The following KCNAB2 variants were observed in gnomAD, a reference collection of about 807,000 sequenced individuals.
KCNAB2 encodes the protein potassium voltage-gated channel subfamily A regulatory beta subunit 2.
In KCNAB2, 29 loss-of-function variants were observed where a neutral mutation model predicts 63.6. The observed-to-expected ratio is 0.46, with a 90% CI of 0.34 to 0.62. KCNAB2 has a LOEUF of 0.62. Among genes scored for constraint, KCNAB2 ranks in the 20% least tolerant of loss-of-function variants. The probability of loss-of-function intolerance (pLI) is 0.01; values close to 1 mark genes in which losing one functional copy is unlikely to be tolerated. For missense variants in KCNAB2, 359 were observed against 563.9 expected (o/e 0.64, Z 3.68); for synonymous variants, 222 against 224.2 (o/e 0.99, Z 0.09).
intron 1 of KCNAB2, among the ~76,000 whole-genome samples, chr1:6,022,983 A>G (rs1422436681): frequency 6.7e-6 from 1 of 150,240 alleles, no homozygotes; most frequent in East Asian, 2.0e-4. Flanking sequence ...CCTGGGTTCA[A>G]GTGATTCTCA....
At chr1:6,072,529 G>C (rs1392950451) in intron 2 of KCNAB2, among the ~76,000 whole-genome samples, 1 of 152,196 alleles carries the variant, frequency 6.6e-6, no homozygotes, top group Non-Finnish European at 1.5e-5. Flanking sequence ...CTGGGCACCA[G>C]CAGGGCCCGT....
chr1:6,079,081 G>C (rs530359820), intron 4 of KCNAB2, among the ~76,000 whole-genome samples: 10 of 152,294 alleles, frequency 6.6e-5, no homozygotes, highest in Non-Finnish European at 1.3e-4. Flanking sequence ...GGGAGGATTA[G>C]TCAAGGAGGG....
chr1:6,042,849 C>G (rs866030641), upstream of KCNAB2, among the ~76,000 whole-genome samples: 5 of 110,138 alleles, frequency 4.5e-5, no homozygotes, highest in Non-Finnish European at 7.4e-5. Flanking sequence ...CCCCACCCCC[C>G]CCCCCGTTTG....
At chr1:6,008,859 A>G (rs147008517) in intron 1 of KCNAB2, among the ~76,000 whole-genome samples, 1,750 of 152,282 alleles carry the variant, frequency 0.011, 31 homozygotes, top group African/African-American at 0.039. Flanking sequence ...TGGGAACCTC[A>G]GGCCTTGGGC....
At chr1:6,045,760 T>C (rs1660864828), upstream of KCNAB2, among the ~76,000 whole-genome samples, 1 of 152,128 alleles carries the variant, frequency 6.6e-6, no homozygotes, top group Admixed American at 6.6e-5. This position sits in a 1 kb window ranked among gnomAD's most constrained non-coding sequence, Gnocchi z 4.8. Context: ...GGCCTGCCCC[T>C]TTCGACCTGT....
intron 4 of KCNAB2, among the ~76,000 whole-genome samples, chr1:6,076,673 G>A (rs566309744): frequency 1.3e-5 from 2 of 152,286 alleles, no homozygotes; most frequent in East Asian, 1.9e-4. Context: ...TTGCCTCAAC[G>A]CTTGCGGCCA....
In KCNAB2 at chr1:6,096,164, C is replaced by A. The variant is rs1388719960; in HGVS notation, c.949-472C>A. On this transcript the variant is annotated intron_variant, in intron 13 of 15. Transcript: ENST00000378083. This position sits in a 1 kb window ranked among gnomAD's most constrained non-coding sequence, Gnocchi z 5.9. The stretch of plus-strand genomic sequence containing the variant: ...GGGCCCACAGCCCTGGGTTCCAGGG[C>A]AACGTGGCCTGGCCCCCGACTCCTC... 4.4e-6 allele frequency: 2 copies of A among 457,680 alleles called. No individual in the cohort carries two copies. Among genetic ancestry groups the A allele is most frequent in the Non-Finnish European group, 8.8e-6 (2 of 228,086 alleles). 28.4% of individuals were successfully genotyped at this position (457,680 alleles called of 1,614,324 possible).
intron 1 of KCNAB2, among the ~76,000 whole-genome samples, chr1:6,007,817 C>A (rs1211366147): frequency 6.6e-6 from 1 of 152,232 alleles, no homozygotes; most frequent in Admixed American, 6.5e-5. Context: ...CGTCCCTGTG[C>A]CCGCCGCTTC....
rs560846181 is a variant in KCNAB2 at position 5,994,832 on chromosome 1, A to G, written c.-53+2044A>G. ...CGCTTTCATTTTTCAGTCATCTTCT[A>G]AGACCCAAATGGTTCAGGAGGAAGC... On this transcript the variant is annotated intron_variant, in intron 1 of 16. Transcript: ENST00000341524. This position sits in a 1 kb window ranked among gnomAD's most constrained non-coding sequence, Gnocchi z 5.4. 3.9e-5 allele frequency among the ~76,000 whole-genome samples: 6 copies of G among 152,262 alleles called. No individual in the cohort carries two copies. Among genetic ancestry groups the G allele is most frequent in the Non-Finnish European group, 7.4e-5 (5 of 68,024 alleles).
chr1:6,072,779 G>C lies in KCNAB2; in HGVS notation c.243G>C (p.Arg81=), dbSNP rs148301257. Residue 81 remains arginine, a synonymous_variant, in exon 3 of 16, where the codon CGG becomes CGC. Transcript: ENST00000378083. ...GGAACCTGGGCAAGTCTGGCCTGCGGGTCTCCTGCCTGGGACTTGGTGAGT... is the reference window on the plus strand; with the variant it reads ...GGAACCTGGGCAAGTCTGGCCTGCGCGTCTCCTGCCTGGGACTTGGTGAGT... ...KYRNLGKSGL[R]VSCLGLGTWV... The C allele has an allele frequency of 3.7e-6, 6 of 1,613,816 alleles. No homozygotes were observed. In the African/African-American group the frequency reaches 8.0e-5, roughly 22 times the overall value.
intron 1 of KCNAB2, among the ~76,000 whole-genome samples, chr1:6,048,907 G>T (rs983020194): frequency 1.3e-5 from 2 of 152,338 alleles, no homozygotes; most frequent in Admixed American, 1.3e-4. Context: ...GGGTGCCAAG[G>T]GCCTCATTTC....
intron 1 of KCNAB2, among the ~76,000 whole-genome samples, chr1:6,014,917 G>A (rs547726117): frequency 1.3e-5 from 2 of 152,134 alleles, no homozygotes; most frequent in African/African-American, 4.8e-5. Context: ...TTGGACCCAT[G>A]TGGGGCTCCA....
At chr1:6,072,343 G>A (rs1052544843) in intron 2 of KCNAB2, among the ~76,000 whole-genome samples, 8 of 152,358 alleles carry the variant, frequency 5.3e-5, no homozygotes, top group Admixed American at 5.2e-4. Flanking sequence ...CTGGAGACAG[G>A]AAGAAGAGAC....
chr1:6,042,427 G>A (rs1030714772), upstream of KCNAB2, among the ~76,000 whole-genome samples: 10 of 152,160 alleles, frequency 6.6e-5, no homozygotes, highest in Admixed American at 2.6e-4. Context: ...GGCACCTGGC[G>A]AGAGACTGTG....
At chr1:6,076,012 C>T (rs1270217248) in intron 4 of KCNAB2, among the ~76,000 whole-genome samples, 1 of 152,240 alleles carries the variant, frequency 6.6e-6, no homozygotes, top group East Asian at 1.9e-4. Flanking sequence ...TTTCACTCCA[C>T]AAGGGCAGAG....
At chr1:6,093,185 G>A (rs1215901673) in intron 10 of KCNAB2, among the ~76,000 whole-genome samples, 1 of 152,190 alleles carries the variant, frequency 6.6e-6, no homozygotes, top group Admixed American at 6.5e-5. Context: ...ATGGGCAAAG[G>A]ACAAGCAGGC....
chr1:6,054,056 AAAGAAG>A (rs778542488), intron 2 of KCNAB2, among the ~76,000 whole-genome samples: 5 of 151,402 alleles, frequency 3.3e-5, no homozygotes, highest in African/African-American at 1.2e-4. Context: ...AAAAAAAAAA[AAAGAAG>A]AAGAAGAAGA....
intron 1 of KCNAB2, among the ~76,000 whole-genome samples, chr1:6,004,679 A>G (rs577334220): frequency 1.2e-4 from 18 of 151,692 alleles, no homozygotes; most frequent in African/African-American, 4.4e-4. Context: ...ATCCTAATCC[A>G]GGATGGCCTC....
At chr1:5,999,867 G>A (rs566252294) in intron 1 of KCNAB2, among the ~76,000 whole-genome samples, 4 of 150,186 alleles carry the variant, frequency 2.7e-5, no homozygotes, top group South Asian at 2.1e-4. Context: ...CCCTGCCTGC[G>A]CCATCTGCGC....
Sources: gnomAD v4.1 joint callset for allele counts (sites outside exome capture counted in the v4.1 genomes callset) on GRCh38, gnomAD v4.1.1 for gene constraint, Gnocchi (gnomAD v3.1) non-coding constraint, MANE v1.5 for transcripts, NCBI Gene and HGNC (gene_info 2026-07-23, HGNC 2026-07-21) for gene names.